The following SLC19A1 variants were observed in gnomAD, a reference collection of about 807,000 sequenced individuals.
SLC19A1 encodes solute carrier family 19 member 1, also known as reduced folate transporter.
A neutral mutation model predicts 35.3 loss-of-function variants in SLC19A1; 37 were observed. That is an observed-to-expected ratio of 1.05 (90% CI 0.81 to 1.38). SLC19A1 has a LOEUF of 1.38. Among genes scored for constraint, SLC19A1 ranks in the 40% most tolerant of loss-of-function variants. The pLI, the probability that SLC19A1 is intolerant of heterozygous loss-of-function variation, is 0.00. For missense variants in SLC19A1, 831 were observed against 826.9 expected (o/e 1.00, Z -0.06); for synonymous variants, 460 against 398.5 (o/e 1.15, Z -1.84).
chr21:45,552,466 C>T (rs1421711349), intron 1 of SLC19A1, among the ~76,000 whole-genome samples: 4 of 152,194 alleles, frequency 2.6e-5, no homozygotes, highest in African/African-American at 9.7e-5. Context: ...GGGAGAGCGA[C>T]ACCCACCCGG....
At chr21:45,521,094 A>C (rs908914970) in intron 5 of SLC19A1, among the ~76,000 whole-genome samples, 1 of 152,254 alleles carries the variant, frequency 6.6e-6, no homozygotes, top group African/African-American at 2.4e-5. Flanking sequence ...ATATGAAGAC[A>C]AAGGGAGAAG....
chr21:45,503,929 C>A, intron 3 of SLC19A1: 1 of 1,517,190 alleles, frequency 6.6e-7, no homozygotes, highest in Non-Finnish European at 9.1e-7. Context: ...TCAGGCAAAC[C>A]CACCAGTGCT....
chr21:45,508,228 A>ATG (rs2037347824), downstream of SLC19A1, among the ~76,000 whole-genome samples: 1 of 96,350 alleles, frequency 1.0e-5, no homozygotes, highest in Non-Finnish European at 2.2e-5. Flanking sequence ...GTGGGTGGAT[A>ATG]GTGGGTAAGT....
At chr21:45,554,448 A>T (rs182812139) in intron 1 of SLC19A1, among the ~76,000 whole-genome samples, 1 of 70 alleles carries the variant, frequency 0.014, no homozygotes, top group African/African-American at 0.033. Flanking sequence ...CCGCGCCCCC[A>T]TCCCAGTCCC....
chr21:45,511,082 CACACACAT>C (rs1371122643), downstream of SLC19A1: 5 of 1,091,522 alleles, frequency 4.6e-6, no homozygotes, highest in Non-Finnish European at 3.9e-6. Context: ...CCACACACCA[CACACACAT>C]ACACACGGTT....
At chr21:45,509,769 C>T (rs994072841), downstream of SLC19A1, among the ~76,000 whole-genome samples, 5 of 152,188 alleles carry the variant, frequency 3.3e-5, no homozygotes, top group African/African-American at 9.7e-5. Flanking sequence ...TGGGACTTGC[C>T]CTCTGGTGGC....
chr21:45,561,685 C>T lies in SLC19A1; in HGVS notation c.-50+1057G>A, dbSNP rs535285749. ...TTGAGACAAGAGAATTGCTTGAACC[C>T]AGGAGGCGGAGGTTGTAGTGAGCCA... On this transcript the variant is annotated intron_variant, in intron 1 of 5. Transcript: ENST00000650808. 7.9e-5 allele frequency among the ~76,000 whole-genome samples: 12 copies of T among 152,156 alleles called. No homozygotes were observed. In the South Asian group the frequency reaches 1.9e-3, roughly 24 times the overall value.
At chr21:45,536,233 G>GTACA (rs886149622) in intron 2 of SLC19A1, 19 of 155,722 alleles carry the variant, frequency 1.2e-4, no homozygotes, top group Non-Finnish European at 2.6e-4. Context: ...ATCCGTTAAT[G>GTACA]TACAACATGA....
At chr21:45,509,615 C>CAA (rs1568951355), downstream of SLC19A1, 3 of 1,306,318 alleles carry the variant, frequency 2.3e-6, no homozygotes, top group Non-Finnish European at 3.2e-6. Context: ...AGTGCCCCCC[C>CAA]AAAGTGGGCT....
chr21:45,531,510 G>A lies in SLC19A1; in HGVS notation c.828C>T (p.Phe276=). Residue 276 remains phenylalanine, a synonymous_variant, in exon 3 of 6, where the codon TTC becomes TTT. Coordinates refer to ENST00000311124, the MANE Select transcript of SLC19A1 (RefSeq NM_194255.4). ...CCACCAGGTAGTAGCCGGCCGAGTT[G>A]AAGACCCACCAGAGGGACCACAGGC... ...QLRLWSLWWV[F]NSAGYYLVVY... 6.2e-7 allele frequency: 1 copy of A among 1,612,690 alleles called. No homozygotes were observed. Among genetic ancestry groups the A allele is most frequent in the Non-Finnish European group, 8.5e-7 (1 of 1,179,768 alleles).
At chr21:45,538,063 A>C in intron 1 of SLC19A1, 55 bp from the exon 2 acceptor site, 2 of 1,069,034 alleles carry the variant, frequency 1.9e-6, no homozygotes, top group Non-Finnish European at 2.6e-6. Flanking sequence ...AGGCCTCCCT[A>C]CCCCGCAAAA....
At chr21:45,536,101 C>T (rs1480859313) in intron 2 of SLC19A1, 6 of 223,630 alleles carry the variant, frequency 2.7e-5, no homozygotes, top group African/African-American at 2.3e-5. Context: ...TCTCCTGCAG[C>T]CAGAGGGGCT....
intron 1 of SLC19A1, chr21:45,541,776 G>C (rs2078312509): frequency 6.6e-6 from 1 of 152,166 alleles, no homozygotes; most frequent in Admixed American, 6.5e-5. Flanking sequence ...TGGCTGGCAG[G>C]GTTCACCCAC....
intron 3 of SLC19A1, chr21:45,506,567 T>C (rs544257426): frequency 4.2e-4 from 79 of 186,340 alleles, no homozygotes; most frequent in Non-Finnish European, 7.8e-4. Flanking sequence ...GGTGCGGCCA[T>C]GCTTGCAGGG....
rs951205710 is a variant in SLC19A1 at position 45,514,845 on chromosome 21, A to G, written c.*813T>C. Reference sequence around the variant, plus strand: ...GGGACGTACTTCCCCAGCGCCCACCACAAAGGCAGCCCCCCCAAGGCTGCC... The same window carrying G: ...GGGACGTACTTCCCCAGCGCCCACCGCAAAGGCAGCCCCCCCAAGGCTGCC... On this transcript the variant is annotated 3_prime_UTR_variant, in exon 6 of 6. Transcript: ENST00000311124. 1.1e-5 allele frequency: 7 copies of G among 659,868 alleles called. No homozygotes were observed. In the Admixed American group the frequency reaches 2.2e-4, roughly 21 times the overall value. The allele number at this position is 659,868 out of a possible 1,614,324, so 40.9% of individuals were successfully genotyped here. A position where few individuals can be genotyped will look rare whatever the true frequency, so the allele number is the denominator to read the frequency against.
intron 3 of SLC19A1, chr21:45,505,554 G>T (rs939417961): frequency 1.4e-6 from 1 of 701,280 alleles, no homozygotes; most frequent in Non-Finnish European, 2.5e-6. Flanking sequence ...GCCAAGATGC[G>T]GTTTCCAGGG....
At position 45,531,866 on chromosome 21, in the gene SLC19A1, C is replaced by T. The variant is rs767351055; in HGVS notation, c.472G>A (p.Ala158Thr). Residue 158 changes from alanine (A) to threonine (T), a missense_variant, in exon 3 of 6, where the codon GCT (alanine) becomes ACT (threonine). Ala to Thr is a moderately conservative substitution (Grantham distance 58). Transcript: ENST00000311124. Reference sequence around the variant, plus strand: ...GTGAACACGCCCAGCAGCACCGCAGCGCGCGAGTAGCCGGCCACACGCTGG... The same window carrying T: ...GTGAACACGCCCAGCAGCACCGCAGTGCGCGAGTAGCCGGCCACACGCTGG... ...RYQRVAGYSRAAVLLGVFTSS... is the reference protein window; with the variant it reads ...RYQRVAGYSRTAVLLGVFTSS... 16 of 1,584,558 alleles carry T rather than the reference C, an allele frequency of 1.0e-5. No individual in the cohort carries two copies. Among genetic ancestry groups the T allele is most frequent in the South Asian group, 3.4e-5 (3 of 88,044 alleles).
downstream of SLC19A1, chr21:45,509,490 G>C: frequency 6.5e-7 from 1 of 1,528,632 alleles, no homozygotes; most frequent in South Asian, 1.2e-5. Flanking sequence ...CCCCTCGCCT[G>C]CCCGAGCCCC....
In SLC19A1 at chr21:45,530,355, T is replaced by TG. The variant is rs2077826944; in HGVS notation, c.1151+414_1151+415insC. ...TGTCCATCTGTGCGCATGTGGTGTG[T>TG]TCATGAGTGTGTGTGTGTCCATGTG... On this transcript the variant is annotated intron_variant, in intron 4 of 5. Coordinates refer to ENST00000311124, the MANE Select transcript of SLC19A1 (RefSeq NM_194255.4). This position sits in a 1 kb window ranked among gnomAD's most constrained non-coding sequence, Gnocchi z 5.3. Among the ~76,000 whole-genome samples the TG allele has an allele frequency of 6.7e-6, 1 of 148,266 alleles. No individual in the cohort carries two copies. The highest frequency in any genetic ancestry group is 1.5e-5 in the Non-Finnish European group (1 of 66,834).
Sources: allele counts gnomAD v4.1 joint callset (sites outside exome capture counted in the v4.1 genomes callset), GRCh38; gene constraint gnomAD v4.1.1; non-coding constraint Gnocchi (gnomAD v3.1); transcripts MANE v1.5; gene names NCBI Gene and HGNC (gene_info 2026-07-23, HGNC 2026-07-21).